EPC1: variants seen among roughly 807,000 people sequenced by gnomAD.
EPC1 encodes enhancer of polycomb homolog 1.
A neutral mutation model predicts 98.4 loss-of-function variants in EPC1; 12 were observed. The observed-to-expected ratio is 0.12, with a 90% confidence interval of 0.08 to 0.20. The LOEUF (loss-of-function observed/expected upper bound fraction) is 0.20, where lower values mean the gene tolerates loss of function less well. EPC1 is among the 10% of genes least tolerant of loss of function. The probability of loss-of-function intolerance (pLI) is 1.00; values close to 1 mark genes in which losing one functional copy is unlikely to be tolerated. For synonymous variants in EPC1, 357 were observed against 363.9 expected, an observed-to-expected ratio of 0.98 and a Z score of 0.21; for missense variants, 729 against 990.5, an observed-to-expected ratio of 0.74 and a Z score of 3.54.
At chr10:32,354,585 CT>C (rs1345449770) in intron 1 of EPC1, among the ~76,000 whole-genome samples, 1 of 151,856 alleles carries the variant, frequency 6.6e-6, no homozygotes, top group Non-Finnish European at 1.5e-5. Context: ...AATAGAATGT[CT>C]TTACACATTT....
At chr10:32,281,089 C>T (rs1836388378) in intron 10 of EPC1, among the ~76,000 whole-genome samples, 1 of 152,134 alleles carries the variant, frequency 6.6e-6, no homozygotes, top group Non-Finnish European at 1.5e-5. Flanking sequence ...GGCTGGAGTG[C>T]AGTGGCGTGA....
At chr10:32,370,897 A>G (rs1275603992) in intron 1 of EPC1, among the ~76,000 whole-genome samples, 1 of 152,208 alleles carries the variant, frequency 6.6e-6, no homozygotes, top group African/African-American at 2.4e-5. Flanking sequence ...TATTAAATAG[A>G]TGCTGAATGA....
chr10:32,281,100 T>C (rs1836388968), intron 10 of EPC1, among the ~76,000 whole-genome samples: 1 of 152,192 alleles, frequency 6.6e-6, no homozygotes, highest in African/African-American at 2.4e-5. Context: ...AGTGGCGTGA[T>C]GTTGGCTCAC....
intron 1 of EPC1, among the ~76,000 whole-genome samples, chr10:32,366,209 T>C (rs1839600025): frequency 6.6e-6 from 1 of 152,190 alleles, no homozygotes; most frequent in Non-Finnish European, 1.5e-5. Context: ...TATGATGCTT[T>C]AATAAGTTTT....
chr10:32,295,327 A>T (rs958244149), intron 2 of EPC1, among the ~76,000 whole-genome samples: 2 of 152,216 alleles, frequency 1.3e-5, no homozygotes, highest in African/African-American at 4.8e-5. Context: ...TTAGCTGCCA[A>T]ATACTGCCAT....
intron 1 of EPC1, among the ~76,000 whole-genome samples, chr10:32,327,582 A>G (rs934816293): frequency 6.6e-6 from 1 of 152,112 alleles, no homozygotes; most frequent in Non-Finnish European, 1.5e-5. Context: ...AGTGTTGCTT[A>G]ATAATGGGAA....
intron 10 of EPC1, among the ~76,000 whole-genome samples, chr10:32,278,820 C>A (rs2986927): frequency 0.85 from 129,735 of 152,124 alleles, 55,421 homozygotes; most frequent in East Asian, 0.96. Flanking sequence ...AGCCATCTAG[C>A]AATCTAATTT....
At chr10:32,355,649 G>T in intron 1 of EPC1, among the ~76,000 whole-genome samples, 1 of 110,768 alleles carries the variant, frequency 9.0e-6, no homozygotes, top group Non-Finnish European at 1.7e-5. Context: ...TTTTGGGACA[G>T]AGTTGACCAG....
At chr10:32,363,795 A>G (rs1403384107) in intron 1 of EPC1, among the ~76,000 whole-genome samples, 1 of 152,008 alleles carries the variant, frequency 6.6e-6, no homozygotes, top group Non-Finnish European at 1.5e-5. Flanking sequence ...AGTTGTTCCG[A>G]TAACTGTGCT....
intron 2 of EPC1, among the ~76,000 whole-genome samples, chr10:32,300,685 C>T (rs555351551): frequency 3.3e-5 from 5 of 152,192 alleles, no homozygotes; most frequent in East Asian, 1.9e-4. Flanking sequence ...CTGCCTGCCT[C>T]GGCCTCCCAA....
intron 10 of EPC1, among the ~76,000 whole-genome samples, chr10:32,276,566 TA>T (rs1836109697): frequency 6.6e-6 from 1 of 152,202 alleles, no homozygotes; most frequent in Admixed American, 6.5e-5. Flanking sequence ...AGGTGATCAT[TA>T]AGGTCCTCTT....
intron 1 of EPC1, among the ~76,000 whole-genome samples, chr10:32,343,757 CGT>C (rs1289602292): frequency 6.6e-6 from 1 of 151,738 alleles, no homozygotes; most frequent in Admixed American, 6.6e-5. Flanking sequence ...TCGTTAGGCC[CGT>C]GTGTGCAGCT....
At position 32,365,494 on chromosome 10, in the gene EPC1, A is replaced by G. The variant is rs116817759; in HGVS notation, c.3+12997T>C. Among the ~76,000 whole-genome samples the G allele has an allele frequency of 2.8e-3, 424 of 152,210 alleles. 3 individuals are homozygous for G. Among genetic ancestry groups the G allele is most frequent in the African/African-American group, 9.8e-3 (409 of 41,534 alleles). On this transcript the variant is annotated intron_variant, in intron 1 of 13. Transcript: ENST00000375110. The stretch of plus-strand genomic sequence containing the variant: ...CAGTCGCACTCTAACCACTTTCACA[A>G]TTTGAAACATATGATGGAAATATGA...
intron 1 of EPC1, among the ~76,000 whole-genome samples, chr10:32,336,678 C>T (rs748203009): frequency 6.6e-6 from 1 of 152,106 alleles, no homozygotes; most frequent in African/African-American, 2.4e-5. Flanking sequence ...GATAAACTAC[C>T]TCATCCTGTC....
chr10:32,335,827 G>A (rs536150073), intron 1 of EPC1, among the ~76,000 whole-genome samples: 5 of 152,154 alleles, frequency 3.3e-5, no homozygotes, highest in East Asian at 3.9e-4. Context: ...TAGATTTTGC[G>A]TTCACTAATA....
chr10:32,288,357 T>C (rs1190161879), intron 6 of EPC1, among the ~76,000 whole-genome samples: 2 of 149,262 alleles, frequency 1.3e-5, no homozygotes, highest in Admixed American at 6.7e-5. Flanking sequence ...CTCTGTCACT[T>C]AGGCTGGAGT....
At chr10:32,280,468 C>T (rs1249344672) in intron 10 of EPC1, among the ~76,000 whole-genome samples, 3 of 147,952 alleles carry the variant, frequency 2.0e-5, no homozygotes, top group East Asian at 2.0e-4. Context: ...AGGCCAGGCA[C>T]GGTGGCTCAC....
At chr10:32,300,536 C>G (rs1835451048) in intron 2 of EPC1, among the ~76,000 whole-genome samples, 1 of 150,732 alleles carries the variant, frequency 6.6e-6, no homozygotes, top group South Asian at 2.1e-4. Context: ...CATGTTCAAG[C>G]AATTCTCCTG....
intron 1 of EPC1, among the ~76,000 whole-genome samples, chr10:32,340,630 G>T (rs1194083870): frequency 6.6e-6 from 1 of 152,128 alleles, no homozygotes; most frequent in East Asian, 1.9e-4. Context: ...AAGAGTTTGA[G>T]AACAGCCCAG....
Sources: allele counts gnomAD v4.1 joint callset (sites outside exome capture counted in the v4.1 genomes callset), GRCh38; gene constraint gnomAD v4.1.1; transcripts MANE v1.5; gene names NCBI Gene and HGNC (gene_info 2026-07-23, HGNC 2026-07-21).